The following RIMS2 variants were observed in gnomAD, a reference collection of about 807,000 sequenced individuals.
RIMS2 encodes regulating synaptic membrane exocytosis protein 2.
Under a neutral mutation model 174.4 loss-of-function variants are expected in RIMS2, and 59 were observed. The observed-to-expected ratio is 0.34, with a 90% CI of 0.27 to 0.42. The LOEUF (loss-of-function observed/expected upper bound fraction) is 0.42, where lower values mean the gene tolerates loss of function less well. RIMS2 is among the 10% of genes least tolerant of loss of function. RIMS2 has a pLI of 1.00. For missense variants in RIMS2, 1,620 were observed against 1,666.3 expected (o/e 0.97, Z 0.48); for synonymous variants, 606 against 572.5 (o/e 1.06, Z -0.84).
At chr8:103,933,244 G>T (rs2080390793) in intron 12 of RIMS2, among the ~76,000 whole-genome samples, 1 of 149,944 alleles carries the variant, frequency 6.7e-6, no homozygotes, top group African/African-American at 2.5e-5. Flanking sequence ...AGTGAGCCGA[G>T]ATCGCACCAC....
At chr8:103,918,639 T>A in intron 9 of RIMS2, 152 bp downstream of exon 12, 1 of 614,614 alleles carries the variant, frequency 1.6e-6, no homozygotes, top group South Asian at 2.2e-5. Context: ...TAGTATTATT[T>A]CATGTCACTG....
At chr8:103,711,897 A>AATATATAT (rs35477375) in intron 2 of RIMS2, among the ~76,000 whole-genome samples, 1 of 149,196 alleles carries the variant, frequency 6.7e-6, no homozygotes, top group Non-Finnish European at 1.5e-5. Flanking sequence ...CCCCATCTGA[A>AATATATAT]ATATATATAT....
chr8:103,513,869 A>G (rs1261724834), intron 1 of RIMS2, among the ~76,000 whole-genome samples: 1 of 152,202 alleles, frequency 6.6e-6, no homozygotes, highest in Non-Finnish European at 1.5e-5. Context: ...TTTTACATAG[A>G]TCAATATTGG....
chr8:103,942,969 C>G, intron 14 of RIMS2, 43 bp downstream of exon 16: 2 of 1,493,328 alleles, frequency 1.3e-6, no homozygotes, highest in Non-Finnish European at 1.8e-6. Context: ...TTGTATTTTC[C>G]TAATCTTGAG....
rs372389993 is a variant in RIMS2, at chr8:103,994,081, AT to A, written c.3044+4661del. On this transcript the variant is annotated intron_variant, in intron 17 of 23. Coordinates refer to ENST00000504942, the Ensembl canonical transcript of RIMS2. ...AAAAAAAAAAAAAAGAATAAAAAAA[AT>A]GTTTTTGCATTAAGTAAGGGTTTTT... 4.5e-3 allele frequency among the ~76,000 whole-genome samples: 678 copies of A among 151,568 alleles called. 7 individuals are homozygous for A. The highest frequency in any genetic ancestry group is 0.015 in the African/African-American group (641 of 41,378).
At chr8:103,949,428 C>T (rs1158555442) in intron 14 of RIMS2, among the ~76,000 whole-genome samples, 1 of 152,088 alleles carries the variant, frequency 6.6e-6, no homozygotes, top group Non-Finnish European at 1.5e-5. Flanking sequence ...TTTAAAAGTA[C>T]TCAAGTCAAA....
At chr8:103,853,320 C>T (rs1379121867) in intron 3 of RIMS2, among the ~76,000 whole-genome samples, 1 of 151,710 alleles carries the variant, frequency 6.6e-6, no homozygotes, top group Non-Finnish European at 1.5e-5. Context: ...AATATTTTCT[C>T]CCATTCTGTA....
At chr8:103,782,582 C>A (rs1426758852) in intron 3 of RIMS2, among the ~76,000 whole-genome samples, 1 of 151,942 alleles carries the variant, frequency 6.6e-6, no homozygotes, top group Non-Finnish European at 1.5e-5. Context: ...TGCGATATGA[C>A]CCACTAGAAA....
rs1001463902 is a variant in RIMS2, at chr8:103,656,445, T to C, written c.177-40641T>C. Among the ~76,000 whole-genome samples, 13 of 152,062 alleles carry C rather than the reference T, an allele frequency of 8.5e-5. 1 individual carries two copies. The highest frequency in any genetic ancestry group is 6.6e-4 in the Admixed American group (10 of 15,244). Reference sequence around the variant, plus strand: ...GTGTGATAAAGAGCAGACACAAAGATTGGTTAAGCTCTGAAAAATCCTTAT... The same window carrying C: ...GTGTGATAAAGAGCAGACACAAAGACTGGTTAAGCTCTGAAAAATCCTTAT... On this transcript the variant is annotated intron_variant, in intron 1 of 23. Coordinates refer to ENST00000504942, the Ensembl canonical transcript of RIMS2.
At chr8:104,197,246 G>A (rs2099029508) in intron 19 of RIMS2, among the ~76,000 whole-genome samples, 3 of 150,688 alleles carry the variant, frequency 2.0e-5, no homozygotes, top group Admixed American at 6.6e-5. Context: ...CGTGAACTTG[G>A]CTCACTGCAA....
At chr8:103,798,532 C>T (rs1592676548) in intron 3 of RIMS2, among the ~76,000 whole-genome samples, 1 of 152,278 alleles carries the variant, frequency 6.6e-6, no homozygotes, top group Admixed American at 6.5e-5. Flanking sequence ...GTTTGTTAAT[C>T]ATTTGTCAGT....
chr8:103,996,692 C>A (rs1170438719), intron 17 of RIMS2, among the ~76,000 whole-genome samples: 1 of 151,740 alleles, frequency 6.6e-6, no homozygotes, highest in Non-Finnish European at 1.5e-5. Flanking sequence ...ATTAAGAAAG[C>A]CCTGAGTTTG....
chr8:103,541,823 C>T (rs1440840968), intron 1 of RIMS2, among the ~76,000 whole-genome samples: 1 of 152,024 alleles, frequency 6.6e-6, no homozygotes, highest in African/African-American at 2.4e-5. Flanking sequence ...TGTAGTAAAA[C>T]TATAGCTTTA....
intron 19 of RIMS2, among the ~76,000 whole-genome samples, chr8:104,085,073 T>C (rs192306268): frequency 6.6e-6 from 1 of 152,320 alleles, no homozygotes; most frequent in Non-Finnish European, 1.5e-5. Flanking sequence ...CCAGGAAGAA[T>C]TTGCATTCAG....
At chr8:103,608,637 A>G (rs2095243240) in intron 1 of RIMS2, among the ~76,000 whole-genome samples, 1 of 151,144 alleles carries the variant, frequency 6.6e-6, no homozygotes, top group Non-Finnish European at 1.5e-5. Context: ...GCTAGCAATC[A>G]GCGAGACTCC....
intron 13 of RIMS2, among the ~76,000 whole-genome samples, chr8:103,940,817 A>T (rs2082351615): frequency 6.6e-6 from 1 of 150,894 alleles, no homozygotes; most frequent in South Asian, 2.1e-4. Context: ...CGGAGCTTGC[A>T]GTGAGCCAGG....
intron 1 of RIMS2, among the ~76,000 whole-genome samples, chr8:103,571,062 CT>C (rs1243021232): frequency 6.6e-6 from 1 of 152,012 alleles, no homozygotes; most frequent in Non-Finnish European, 1.5e-5. Context: ...TAAATTCTCA[CT>C]CATTTTTCTT....
At chr8:104,174,370 A>T (rs992062877) in intron 19 of RIMS2, among the ~76,000 whole-genome samples, 1 of 152,016 alleles carries the variant, frequency 6.6e-6, no homozygotes. Flanking sequence ...GGTGGAGGTT[A>T]AATGGCAAGC....
chr8:103,646,883 G>A (rs548614620), intron 1 of RIMS2, among the ~76,000 whole-genome samples: 4 of 152,316 alleles, frequency 2.6e-5, no homozygotes, highest in Admixed American at 2.0e-4. Context: ...GAGTAGGAGT[G>A]GTAGGAGAAA....
Sources: gnomAD v4.1 joint callset for allele counts (sites outside exome capture counted in the v4.1 genomes callset) on GRCh38, gnomAD v4.1.1 for gene constraint, MANE v1.5 for transcripts, NCBI Gene and HGNC (gene_info 2026-07-23, HGNC 2026-07-21) for gene names.